Variants in GPR158 observed in about 807,000 individuals in gnomAD.
GPR158 encodes the protein G protein-coupled receptor 158, also known as metabotropic glycine receptor.
Under a neutral mutation model 78.2 loss-of-function variants are expected in GPR158, and 30 were observed. That is an observed-to-expected ratio of 0.38 (90% CI 0.29 to 0.52). The LOEUF is 0.52. Among genes scored for constraint, GPR158 ranks in the 20% least tolerant of loss-of-function variants. The pLI is 0.83. For missense variants in GPR158, 1,463 were observed against 1,523.5 expected, an observed-to-expected ratio of 0.96 and a Z score of 0.66; for synonymous variants, 581 against 591.1, an observed-to-expected ratio of 0.98 and a Z score of 0.25.
chr10:25,314,835 A>G, intron 2 of GPR158, among the ~76,000 whole-genome samples: 1 of 132,408 alleles, frequency 7.6e-6, no homozygotes, highest in African/African-American at 3.3e-5. Flanking sequence ...AGTCATACAT[A>G]TACACGTATA....
At chr10:25,499,558 C>G (rs1351943146) in intron 5 of GPR158, among the ~76,000 whole-genome samples, 1 of 152,226 alleles carries the variant, frequency 6.6e-6, no homozygotes, top group Non-Finnish European at 1.5e-5. Flanking sequence ...AAGACTCTTG[C>G]TCTCATGAAG....
intron 2 of GPR158, among the ~76,000 whole-genome samples, chr10:25,339,471 C>T (rs1302197574): frequency 6.6e-6 from 1 of 151,984 alleles, no homozygotes; most frequent in Non-Finnish European, 1.5e-5. Flanking sequence ...TTATTTCTTC[C>T]TTTCCAATTC....
intron 5 of GPR158, among the ~76,000 whole-genome samples, chr10:25,495,848 C>G (rs1051279700): frequency 1.3e-5 from 2 of 152,000 alleles, no homozygotes; most frequent in African/African-American, 4.8e-5. Flanking sequence ...AATTTTGCCT[C>G]CACCTTAGCT....
chr10:25,471,473 C>T (rs1835501017), intron 5 of GPR158, among the ~76,000 whole-genome samples: 1 of 152,148 alleles, frequency 6.6e-6, no homozygotes, highest in Admixed American at 6.5e-5. Flanking sequence ...GGGTATATAC[C>T]CAGTAATATG....
intron 4 of GPR158, among the ~76,000 whole-genome samples, chr10:25,424,880 T>C (rs1423257785): frequency 6.6e-6 from 1 of 152,186 alleles, no homozygotes; most frequent in Non-Finnish European, 1.5e-5. Context: ...CTTTTTTGGT[T>C]CCACATGAAA....
intron 2 of GPR158, among the ~76,000 whole-genome samples, chr10:25,355,557 G>A (rs1855539027): frequency 6.6e-6 from 1 of 151,986 alleles, no homozygotes; most frequent in Non-Finnish European, 1.5e-5. Flanking sequence ...GTTCCCTGTT[G>A]GCTATTTGTT....
chr10:25,476,368 G>A (rs560114023), intron 5 of GPR158, among the ~76,000 whole-genome samples: 3 of 141,776 alleles, frequency 2.1e-5, no homozygotes, highest in East Asian at 2.1e-4. Flanking sequence ...TAAACCGTCA[G>A]TTTCATTTAA....
intron 5 of GPR158, among the ~76,000 whole-genome samples, chr10:25,519,661 G>A (rs1458772319): frequency 7.1e-6 from 1 of 141,468 alleles, no homozygotes; most frequent in East Asian, 2.0e-4. Context: ...ATGAAATTCT[G>A]GGTTGAAAAT....
intron 4 of GPR158, among the ~76,000 whole-genome samples, chr10:25,415,695 C>T (rs768098812): frequency 6.6e-6 from 1 of 152,070 alleles, no homozygotes; most frequent in African/African-American, 2.4e-5. Context: ...AATATGCATA[C>T]AAATGTTCAT....
intron 5 of GPR158, among the ~76,000 whole-genome samples, chr10:25,486,022 GA>G (rs769384206): frequency 6.6e-6 from 1 of 152,092 alleles, no homozygotes; most frequent in Non-Finnish European, 1.5e-5. Context: ...AGCTATCTCT[GA>G]GGAAGTGAGC....
At chr10:25,438,114 G>T (rs552330760) in intron 4 of GPR158, among the ~76,000 whole-genome samples, 1 of 152,242 alleles carries the variant, frequency 6.6e-6, no homozygotes, top group Admixed American at 6.5e-5. Context: ...AATGGCTTGG[G>T]GTTAAGACAA....
intron 2 of GPR158, among the ~76,000 whole-genome samples, chr10:25,222,922 T>C (rs995476146): frequency 6.6e-6 from 1 of 152,218 alleles, no homozygotes; most frequent in Admixed American, 6.5e-5. Flanking sequence ...TGGTGTGGTT[T>C]TGTGTCCTTA....
At chr10:25,542,342 A>T (rs768392735) in intron 5 of GPR158, among the ~76,000 whole-genome samples, 1 of 152,156 alleles carries the variant, frequency 6.6e-6, no homozygotes, top group Non-Finnish European at 1.5e-5. Context: ...CAAGAGCTTC[A>T]CACCTTTGAC....
chr10:25,498,590 T>C (rs942177520), intron 5 of GPR158, among the ~76,000 whole-genome samples: 1 of 152,194 alleles, frequency 6.6e-6, no homozygotes, highest in Non-Finnish European at 1.5e-5. Flanking sequence ...AAGCCATAGA[T>C]GTTTGCACAA....
At chr10:25,419,017 TA>T (rs1193742236) in intron 4 of GPR158, among the ~76,000 whole-genome samples, 1 of 152,014 alleles carries the variant, frequency 6.6e-6, no homozygotes, top group Non-Finnish European at 1.5e-5. Flanking sequence ...ATATGTTAAT[TA>T]TGATGTTCTA....
At chr10:25,569,890 TTGCCTAGCATGA>T (rs1384634643) in intron 6 of GPR158, among the ~76,000 whole-genome samples, 1 of 152,192 alleles carries the variant, frequency 6.6e-6, no homozygotes, top group Non-Finnish European at 1.5e-5. Context: ...ACCTTCCACA[TTGCCTAGCATGA>T]TGCCTAACAT....
chr10:25,243,195 G>T (rs1338984273), intron 2 of GPR158, among the ~76,000 whole-genome samples: 1 of 152,084 alleles, frequency 6.6e-6, no homozygotes, highest in African/African-American at 2.4e-5. Flanking sequence ...AATCCCTTTT[G>T]CCAGCTCTTT....
At chr10:25,217,548 C>T (rs1014388989) in intron 1 of GPR158, among the ~76,000 whole-genome samples, 1 of 152,126 alleles carries the variant, frequency 6.6e-6, no homozygotes, top group Admixed American at 6.5e-5. Context: ...CCAAACAGGA[C>T]CCAAGAGTAT....
At chr10:25,463,427 A>G (rs749595741) in intron 4 of GPR158, among the ~76,000 whole-genome samples, 9 of 152,032 alleles carry the variant, frequency 5.9e-5, no homozygotes, top group Admixed American at 1.3e-4. Flanking sequence ...GGATGGATGG[A>G]TGGATGGATG....
Sources: gnomAD v4.1 joint callset for allele counts (sites outside exome capture counted in the v4.1 genomes callset) on GRCh38, gnomAD v4.1.1 for gene constraint, MANE v1.5 for transcripts, NCBI Gene and HGNC (gene_info 2026-07-23, HGNC 2026-07-21) for gene names.